The following PSG1 variants were observed in gnomAD, a reference collection of about 807,000 sequenced individuals.
PSG1 encodes the protein pregnancy specific beta-1-glycoprotein 1.
In PSG1, 60 loss-of-function variants were observed where a neutral mutation model predicts 41.4. The observed-to-expected ratio is 1.45, with a 90% CI of 1.18 to 1.80. The LOEUF (loss-of-function observed/expected upper bound fraction) is 1.80, where lower values mean the gene tolerates loss of function less well. Ranked by LOEUF, PSG1 falls within the 40% of genes most tolerant of loss-of-function variation. The pLI, the probability that PSG1 is intolerant of heterozygous loss-of-function variation, is 0.00. For synonymous variants in PSG1, 256 were observed against 192.9 expected (o/e 1.33, Z -2.71); for missense variants, 806 against 516.9 (o/e 1.56, Z -5.42).
Position 42,877,932 on chromosome 19 carries a change from A to T in PSG1, c.411T>A (p.Arg137=). The T allele has an allele frequency of 6.2e-7, 1 of 1,612,156 alleles. No individual in the cohort carries two copies. Among genetic ancestry groups the T allele is most frequent in the Non-Finnish European group, 8.5e-7 (1 of 1,179,036 alleles). ...ACTTACGGTGTAAGGTGAAGGTGAA[A>T]CGTCCAGTTACTCCTCTAGTCCCAT... The part of the protein sequence containing the change: ...GDDGTRGVTG[R]FTFTLHLETP... The change falls in exon 2 of 6, where the codon CGT becomes CGA. Residue 137 remains arginine, a synonymous_variant. Transcript: ENST00000436291.
chr19:42,879,347 C>T (rs1448199824), intron 1 of PSG1, among the ~76,000 whole-genome samples, 171 bp downstream of exon 1: 4 of 151,218 alleles, frequency 2.6e-5, no homozygotes, highest in Non-Finnish European at 4.4e-5. Flanking sequence ...ACAGACAGGG[C>T]TTCACTGTGT....
At chr19:42,867,373 T>C (rs1211670353) in intron 5 of PSG1, 2 of 585,170 alleles carry the variant, frequency 3.4e-6, no homozygotes, top group East Asian at 2.8e-5. Flanking sequence ...ATGGACCATG[T>C]AGGCTGTCTT....
At chr19:42,873,437 C>A (rs906380918) in intron 2 of PSG1, among the ~76,000 whole-genome samples, 1 of 151,256 alleles carries the variant, frequency 6.6e-6, no homozygotes, top group African/African-American at 2.4e-5. Context: ...GTAATTTTTC[C>A]GTAAAAATTT....
rs1004876253 is a variant in PSG1, at chr19:42,871,305, C to G, written c.709+462G>C. 4.6e-5 allele frequency among the ~76,000 whole-genome samples: 7 copies of G among 151,662 alleles called. 1 individual carries two copies. The highest frequency in any genetic ancestry group is 7.4e-5 in the Non-Finnish European group (5 of 67,916). On this transcript the variant is annotated intron_variant, in intron 3 of 5. Coordinates refer to ENST00000436291, the MANE Select transcript of PSG1 (RefSeq NM_001184825.2). Reference sequence around the variant, plus strand: ...TCTGTGAGGCAGGAGAGCTTGGGGACTTCCCCTGTATGGTAATAGGTGTAT... The same window carrying G: ...TCTGTGAGGCAGGAGAGCTTGGGGAGTTCCCCTGTATGGTAATAGGTGTAT...
intron 2 of PSG1, chr19:42,876,822 C>T (rs1971626842): frequency 6.5e-6 from 1 of 154,798 alleles, no homozygotes; most frequent in African/African-American, 2.4e-5. Context: ...GTTTGGATGC[C>T]TAAGAAGAGA....
chr19:42,877,666 G>C (rs910375727), intron 2 of PSG1, among the ~76,000 whole-genome samples: 1 of 151,682 alleles, frequency 6.6e-6, no homozygotes, highest in African/African-American at 2.4e-5. Flanking sequence ...ATCTCCTCCT[G>C]CTGAGTCCCC....
intron 2 of PSG1, among the ~76,000 whole-genome samples, chr19:42,876,161 G>T (rs563669697): frequency 6.6e-6 from 1 of 151,556 alleles, no homozygotes; most frequent in Admixed American, 6.6e-5. Flanking sequence ...GGAGGAAGAA[G>T]CTGTGCAGGA....
chr19:42,875,144 C>G (rs1237477257), intron 2 of PSG1, among the ~76,000 whole-genome samples: 9 of 151,782 alleles, frequency 5.9e-5, no homozygotes. Flanking sequence ...CTGACTCCAT[C>G]TGGCATCTAG....
chr19:42,878,193 A>G lies in PSG1; in HGVS notation c.150T>C (p.Asp50=), dbSNP rs1058957. 1 of 1,612,172 alleles carries G rather than the reference A, an allele frequency of 6.2e-7. No individual in the cohort carries two copies. Among genetic ancestry groups the G allele is most frequent in the Non-Finnish European group, 8.5e-7 (1 of 1,179,128 alleles). The part of the protein sequence containing the change: ...AEPTKVSEGK[D]VLLLVHNLPQ... ...GCAAATTGTGGACAAGTAGAAGAAC[A>G]TCCTTCCCCTCGGAAACTTTGGTTG... Residue 50 remains aspartate, a synonymous_variant, in exon 2 of 6, where the codon GAT becomes GAC. Coordinates refer to ENST00000436291, the MANE Select transcript of PSG1 (RefSeq NM_001184825.2).
At chr19:42,867,441 C>T in intron 5 of PSG1, 1 of 575,748 alleles carries the variant, frequency 1.7e-6, no homozygotes, top group Non-Finnish European at 3.1e-6. Context: ...TCTTCACAAA[C>T]CTCTTGAGAA....
At chr19:42,877,100 G>C (rs1184646541) in intron 2 of PSG1, among the ~76,000 whole-genome samples, 1 of 151,606 alleles carries the variant, frequency 6.6e-6, no homozygotes, top group East Asian at 1.9e-4. Context: ...CCTAATGCTT[G>C]GCACAGTGGA....
chr19:42,874,630 T>A (rs1159380935), intron 2 of PSG1, among the ~76,000 whole-genome samples: 2 of 151,830 alleles, frequency 1.3e-5, no homozygotes, highest in Admixed American at 6.6e-5. Flanking sequence ...CGTGAGCCAC[T>A]GTGCGCAGCC....
At chr19:42,867,535 G>C (rs568590847) in intron 5 of PSG1, 1 of 612,888 alleles carries the variant, frequency 1.6e-6, no homozygotes, top group African/African-American at 1.9e-5. Context: ...TATAACATCC[G>C]AATCAAAGCA....
chr19:42,877,897 A>C lies in PSG1; in HGVS notation c.430+16T>G. 6.2e-7 allele frequency: 1 copy of C among 1,611,984 alleles called. No homozygotes were observed. The highest frequency in any genetic ancestry group is 8.5e-7 in the Non-Finnish European group (1 of 1,178,862). On this transcript the variant is annotated intron_variant, in intron 2 of 5. Coordinates refer to ENST00000436291, the MANE Select transcript of PSG1 (RefSeq NM_001184825.2). Reference sequence around the variant, plus strand: ...CCCTGTCCCCCAACACCCAGGGATCATGTGGAATCACTTACGGTGTAAGGT... The same window carrying C: ...CCCTGTCCCCCAACACCCAGGGATCCTGTGGAATCACTTACGGTGTAAGGT...
At chr19:42,871,235 G>C (rs1378564416) in intron 3 of PSG1, among the ~76,000 whole-genome samples, 1 of 151,594 alleles carries the variant, frequency 6.6e-6, no homozygotes, top group Admixed American at 6.6e-5. Context: ...TTGATTGCTG[G>C]AACTTCCCAG....
Position 42,867,191 on chromosome 19 carries a change from C to A in PSG1, c.1244-41G>T, listed in dbSNP as rs145398198. ...AAAAACACAGAAACAATGAACAGAG[C>A]TGCAGTCTCATAACAGGTATACTAC... is the stretch of plus-strand genomic sequence containing the variant. On this transcript the variant is annotated intron_variant, in intron 5 of 5. Coordinates refer to ENST00000436291, the MANE Select transcript of PSG1 (RefSeq NM_001184825.2). The A allele has an allele frequency of 5.6e-4, 431 of 765,352 alleles. 9 individuals are homozygous for A. The African/African-American group carries it at 6.3e-3, about 11-fold the overall frequency. 47.4% of individuals were successfully genotyped at this position (765,352 alleles called of 1,614,324 possible).
At position 42,868,608 on chromosome 19, in the gene PSG1, A is replaced by T. The variant is rs376413048; in HGVS notation, c.988+148T>A. The stretch of plus-strand genomic sequence containing the variant: ...TTGGTTAAGGCTGTGCCTACCCAGG[A>T]TTTCCCAGGGCAGGGAGTCATGGCC... On this transcript the variant is annotated intron_variant, in intron 4 of 5. Coordinates refer to ENST00000436291, the MANE Select transcript of PSG1 (RefSeq NM_001184825.2). The T allele has an allele frequency of 2.5e-5, 38 of 1,504,644 alleles. No homozygotes were observed. The East Asian group carries it at 3.0e-4, about 12-fold the overall frequency. The allele number at this position is 1,504,644 out of a possible 1,614,324, so 93.2% of individuals were successfully genotyped here. A position where few individuals can be genotyped will look rare whatever the true frequency, so the allele number is the denominator to read the frequency against.
Position 42,879,541 on chromosome 19 carries a change from T to C in PSG1, c.41A>G (p.Lys14Arg), listed in dbSNP as rs1136128. The C allele has an allele frequency of 1.9e-5, 30 of 1,610,476 alleles. No homozygotes were observed. The highest frequency in any genetic ancestry group is 2.5e-5 in the Non-Finnish European group (29 of 1,178,146). Residue 14 changes from lysine to arginine, a missense_variant, in exon 1 of 6, where the codon AAA becomes AGA. By Grantham distance (26) the Lys-to-Arg change is conservative. Coordinates refer to ENST00000436291, the MANE Select transcript of PSG1 (RefSeq NM_001184825.2). ...ACCTGTGAGCAGGAGCCCCTTCCAT[T>C]TGATGCGCTGTGTGCAGGGAGGGGC... Reference protein sequence around the residue: ...LSAPPCTQRIKWKGLLLTASL... With the variant: ...LSAPPCTQRIRWKGLLLTASL...
chr19:42,879,647 C>G lies in PSG1; in HGVS notation c.-66G>C. 6.3e-7 allele frequency: 1 copy of G among 1,590,962 alleles called. No individual in the cohort carries two copies. The highest frequency in any genetic ancestry group is 8.6e-7 in the Non-Finnish European group (1 of 1,164,848). On this transcript the variant is annotated 5_prime_UTR_variant, in exon 1 of 6. Transcript: ENST00000436291. ...CTAGGATCCAGAAACTCTCTGAGCA[C>G]GGCTGTCAGCTGTGCTGTCCTTCCT...
Sources: gnomAD v4.1 joint callset for allele counts (sites outside exome capture counted in the v4.1 genomes callset) on GRCh38, gnomAD v4.1.1 for gene constraint, MANE v1.5 for transcripts, NCBI Gene and HGNC (gene_info 2026-07-23, HGNC 2026-07-21) for gene names.